GPC6: variants seen among roughly 807,000 people sequenced by gnomAD.
The protein encoded by GPC6 is glypican 6.
GPC6 carries 14 observed loss-of-function variants against 55.2 expected under a neutral mutation model. That is an observed-to-expected ratio of 0.25 (90% confidence interval 0.17 to 0.40). The LOEUF (loss-of-function observed/expected upper bound fraction) is 0.40. GPC6 is among the 10% of genes least tolerant of loss of function. The pLI, the probability that GPC6 is intolerant of heterozygous loss-of-function variation, is 1.00. For synonymous variants in GPC6, 278 were observed against 259.6 expected (o/e 1.07, Z -0.68); for missense variants, 641 against 708.5 (o/e 0.90, Z 1.08).
intron 3 of GPC6, among the ~76,000 whole-genome samples, chr13:93,854,578 T>C (rs1280727465): frequency 6.6e-6 from 1 of 151,754 alleles, no homozygotes; most frequent in Non-Finnish European, 1.5e-5. Context: ...TTAAAATTAT[T>C]TTAATACAAA....
intron 2 of GPC6, among the ~76,000 whole-genome samples, chr13:93,606,196 A>G (rs1294313548): frequency 6.6e-6 from 1 of 152,200 alleles, no homozygotes. Flanking sequence ...TATCAATAAA[A>G]TGGAATGTAG....
At chr13:94,251,875 ATC>A (rs1426737353) in intron 4 of GPC6, among the ~76,000 whole-genome samples, 1 of 150,668 alleles carries the variant, frequency 6.6e-6, no homozygotes, top group Non-Finnish European at 1.5e-5. Flanking sequence ...ATAATTTCTC[ATC>A]TGTCTCCTGC....
At chr13:93,891,874 T>C (rs965348177) in intron 3 of GPC6, among the ~76,000 whole-genome samples, 1 of 151,890 alleles carries the variant, frequency 6.6e-6, no homozygotes, top group East Asian at 1.9e-4. Context: ...GTATATATAG[T>C]GTGTGTGTAT....
intron 4 of GPC6, among the ~76,000 whole-genome samples, chr13:94,052,265 G>C (rs571147383): frequency 6.6e-6 from 1 of 152,222 alleles, no homozygotes; most frequent in East Asian, 1.9e-4. Context: ...CAGGGATTTG[G>C]GTCAGGTCAT....
chr13:94,021,013 T>C (rs1882671431), intron 3 of GPC6, among the ~76,000 whole-genome samples: 1 of 152,118 alleles, frequency 6.6e-6, no homozygotes, highest in Admixed American at 6.6e-5. Flanking sequence ...AAGAGTCATC[T>C]TAAATGACAT....
intron 4 of GPC6, among the ~76,000 whole-genome samples, chr13:94,249,160 C>T (rs1375418030): frequency 2.6e-5 from 4 of 152,072 alleles, no homozygotes; most frequent in Admixed American, 2.6e-4. Flanking sequence ...CAACTGTATC[C>T]CAAAACCCTA....
At chr13:93,432,858 T>C (rs1413616428) in intron 1 of GPC6, among the ~76,000 whole-genome samples, 2 of 150,890 alleles carry the variant, frequency 1.3e-5, no homozygotes, top group Non-Finnish European at 3.0e-5. Context: ...CAAACAGATC[T>C]TGGTGGAGTT....
At chr13:93,480,826 T>C (rs1879489984) in intron 1 of GPC6, among the ~76,000 whole-genome samples, 1 of 152,224 alleles carries the variant, frequency 6.6e-6, no homozygotes. Flanking sequence ...ACATGCCACT[T>C]TTTGTTTATC....
chr13:93,636,128 AGTGTT>A (rs1303324496), intron 2 of GPC6, among the ~76,000 whole-genome samples: 3 of 152,186 alleles, frequency 2.0e-5, no homozygotes, highest in Admixed American at 6.6e-5. Flanking sequence ...AAGCTGGAAA[AGTGTT>A]GTAAAGGTTG....
chr13:93,875,961 A>G (rs1482575335), intron 3 of GPC6, among the ~76,000 whole-genome samples: 6 of 152,056 alleles, frequency 3.9e-5, no homozygotes, highest in African/African-American at 1.4e-4. Flanking sequence ...AATGAATTTA[A>G]CAGCAAAGCT....
intron 4 of GPC6, among the ~76,000 whole-genome samples, chr13:94,243,636 TC>T (rs1367171574): frequency 6.6e-6 from 1 of 152,062 alleles, no homozygotes; most frequent in African/African-American, 2.4e-5. Context: ...AACTCTGTCC[TC>T]CCCCTTTTAA....
intron 1 of GPC6, among the ~76,000 whole-genome samples, chr13:93,441,637 G>T (rs1877808113): frequency 6.6e-6 from 1 of 152,176 alleles, no homozygotes. Flanking sequence ...CTCCCATGTT[G>T]TAGGTTGCCT....
At chr13:94,126,711 T>C (rs920110657) in intron 4 of GPC6, among the ~76,000 whole-genome samples, 2 of 149,246 alleles carry the variant, frequency 1.3e-5, no homozygotes, top group Non-Finnish European at 3.0e-5. Context: ...ATTACCTGTT[T>C]GCTTCATTTC....
At chr13:93,368,280 CT>C (rs548684552) in intron 1 of GPC6, among the ~76,000 whole-genome samples, 2 of 147,978 alleles carry the variant, frequency 1.4e-5, no homozygotes, top group Non-Finnish European at 3.0e-5. Flanking sequence ...TCCCTCCCTC[CT>C]TCCCTCCCTC....
intron 2 of GPC6, among the ~76,000 whole-genome samples, chr13:93,781,710 A>G (rs938055830): frequency 3.9e-5 from 6 of 152,210 alleles, no homozygotes; most frequent in African/African-American, 1.4e-4. Flanking sequence ...GATGTAGCAC[A>G]CAAAAGTCAG....
rs138729597 is a variant in GPC6 at position 94,306,119 on chromosome 13, G to A, written c.1148G>A (p.Arg383Gln). ...ACTGCTGCAGGCACAAGCTTGGACC[G>A]GCTGGTGAGTATTCACAGATTGATA... Reference protein sequence around the residue: ...PTTAAGTSLDRLVTDIKEKLK... With the variant: ...PTTAAGTSLDQLVTDIKEKLK... The change falls in exon 6 of 9, where the codon CGG becomes CAG. Residue 383 changes from arginine to glutamine, a missense_variant. Coordinates refer to ENST00000377047, the MANE Select transcript of GPC6 (RefSeq NM_005708.5). 5.4e-5 allele frequency: 87 copies of A among 1,614,126 alleles called. No homozygotes were observed. Among genetic ancestry groups the A allele is most frequent in the Non-Finnish European group, 6.4e-5 (76 of 1,179,992 alleles).
chr13:94,099,927 C>A (rs2039104), intron 4 of GPC6, among the ~76,000 whole-genome samples: 59,720 of 151,508 alleles, frequency 0.39, 11,936 homozygotes, highest in Middle Eastern at 0.45. Context: ...AATTCTTAGC[C>A]AGCATTAGAA....
At chr13:93,790,540 G>A (rs1037306832) in intron 2 of GPC6, among the ~76,000 whole-genome samples, 1 of 152,088 alleles carries the variant, frequency 6.6e-6, no homozygotes, top group Non-Finnish European at 1.5e-5. Context: ...TCTCTTTTGA[G>A]TTAGGAATAA....
chr13:93,914,484 AC>A (rs1877187456), intron 3 of GPC6, among the ~76,000 whole-genome samples: 1 of 152,180 alleles, frequency 6.6e-6, no homozygotes, highest in East Asian at 1.9e-4. Context: ...TGCTCTTTTA[AC>A]TAATTTTATT....
Sources: allele counts gnomAD v4.1 joint callset (sites outside exome capture counted in the v4.1 genomes callset), GRCh38; gene constraint gnomAD v4.1.1; transcripts MANE v1.5; gene names NCBI Gene and HGNC (gene_info 2026-07-23, HGNC 2026-07-21).